Variants in DCAF1 observed in about 807,000 individuals in gnomAD.
DCAF1 encodes DDB1- and CUL4-associated factor 1.
Under a neutral mutation model 128.0 loss-of-function variants are expected in DCAF1, and 15 were observed. That is an observed-to-expected ratio of 0.12 (90% confidence interval 0.08 to 0.18). The LOEUF (loss-of-function observed/expected upper bound fraction) is 0.18, where lower values mean the gene tolerates loss of function less well. Ranked by LOEUF, DCAF1 falls within the 10% of genes least tolerant of loss-of-function variation. The pLI is 1.00. For missense variants in DCAF1, 988 were observed against 1,649.5 expected, an observed-to-expected ratio of 0.60 and a Z score of 6.95; for synonymous variants, 610 against 603.0, an observed-to-expected ratio of 1.01 and a Z score of -0.17.
At chr3:51,454,227 G>A (rs561504603) in intron 6 of DCAF1, among the ~76,000 whole-genome samples, 319 of 152,170 alleles carry the variant, frequency 2.1e-3, no homozygotes, top group African/African-American at 7.5e-3. Flanking sequence ...TTTTTGTAGA[G>A]CCAGGGTCTT....
chr3:51,463,784 AAACAAC>A (rs1229371293), intron 5 of DCAF1, among the ~76,000 whole-genome samples: 14 of 151,938 alleles, frequency 9.2e-5, no homozygotes, highest in African/African-American at 3.1e-4. Context: ...GTCTCCAAAA[AAACAAC>A]AACAACAACA....
At chr3:51,472,699 T>G (rs1298611675) in intron 3 of DCAF1, among the ~76,000 whole-genome samples, 1 of 149,898 alleles carries the variant, frequency 6.7e-6, no homozygotes, top group African/African-American at 2.5e-5. Flanking sequence ...GGAGTTTCAC[T>G]CGTTGCCCAG....
intron 3 of DCAF1, among the ~76,000 whole-genome samples, chr3:51,476,572 CAAAAAA>C (rs11359977): frequency 6.0e-4 from 30 of 49,656 alleles, no homozygotes; most frequent in Non-Finnish European, 2.9e-4. Context: ...AATTATATCT[CAAAAAA>C]AAAAAAAAAA....
At chr3:51,437,947 C>G (rs965961109) in intron 9 of DCAF1, 2 of 208,544 alleles carry the variant, frequency 9.6e-6, no homozygotes, top group African/African-American at 2.4e-5. Flanking sequence ...GAAACCCAAA[C>G]AAAAGTAATA....
At chr3:51,416,933 C>G in intron 17 of DCAF1, 62 bp from the exon 18 acceptor site, 1 of 1,552,490 alleles carries the variant, frequency 6.4e-7, no homozygotes, top group Non-Finnish European at 8.7e-7. Flanking sequence ...CTGCAACCAA[C>G]TGAAACACAG....
intron 24 of DCAF1, 22 bp downstream of exon 24, chr3:51,403,121 C>T (rs782490367): frequency 6.3e-7 from 1 of 1,590,612 alleles, no homozygotes; most frequent in East Asian, 2.2e-5. Context: ...AAGGCTCAGC[C>T]TGAACTCTGC....
intron 11 of DCAF1, among the ~76,000 whole-genome samples, 191 bp from the exon 12 acceptor site, chr3:51,429,661 T>C (rs986888367): frequency 9.2e-5 from 14 of 152,214 alleles, no homozygotes; most frequent in Admixed American, 2.6e-4. Context: ...TATCTATGTA[T>C]ATAGCATGCT....
At position 51,492,782 on chromosome 3, in the gene DCAF1, C is replaced by G. The variant is rs571989085; in HGVS notation, c.-9+3952G>C. ...GGCCGAGGCAGGCGGATCGCGAGGT[C>G]AGGAGACAGAGACCATCCTGGCTAA... is the stretch of plus-strand genomic sequence containing the variant. On this transcript the variant is annotated intron_variant, in intron 2 of 24. Transcript: ENST00000684031. 9.9e-5 allele frequency among the ~76,000 whole-genome samples: 15 copies of G among 151,554 alleles called. 1 individual carries two copies. The South Asian group carries it at 2.9e-3, about 30-fold the overall frequency.
intron 4 of DCAF1, among the ~76,000 whole-genome samples, chr3:51,468,181 T>C (rs1553647198): frequency 3.3e-5 from 5 of 152,064 alleles, no homozygotes; most frequent in Non-Finnish European, 2.9e-5. Context: ...TTTGTTGTTG[T>C]TGTGTTCTGA....
At position 51,412,110 on chromosome 3, in the gene DCAF1, A is replaced by T. The variant is rs868978977; in HGVS notation, c.4212+269T>A. 5.3e-4 allele frequency among the ~76,000 whole-genome samples: 59 copies of T among 111,654 alleles called. 1 individual carries two copies. Among genetic ancestry groups the T allele is most frequent in the African/African-American group, 2.0e-3 (49 of 24,510 alleles). 73.2% of individuals were successfully genotyped at this position (111,654 alleles called of 152,430 possible). A position where few individuals can be genotyped will look rare whatever the true frequency, so the allele number is the denominator to read the frequency against. On this transcript the variant is annotated intron_variant, in intron 23 of 24. Transcript: ENST00000684031. ...GGCGACAAGAGCAAAACTCCATTCTAAAAAAAAAAAAAAAAAAAAAAAAAA... is the reference window on the plus strand; with the variant it reads ...GGCGACAAGAGCAAAACTCCATTCTTAAAAAAAAAAAAAAAAAAAAAAAAA...
rs1708689339 is a variant in DCAF1 at position 51,499,951 on chromosome 3, GCACT to G, written c.-138_-135del. On this transcript the variant is annotated 5_prime_UTR_variant, in exon 1 of 25. Coordinates refer to ENST00000684031, the MANE Select transcript of DCAF1 (RefSeq NM_001387579.1). ...TCACACACACACAGCCTCAGGTCCC[GCACT>G]CACTCTCCACTCACACACACACACA... 1 of 121,130 alleles carries G rather than the reference GCACT, an allele frequency of 8.3e-6. No homozygotes were observed. The allele number at this position is 121,130 out of a possible 1,614,324, so 7.5% of individuals were successfully genotyped here. A position where few individuals can be genotyped will look rare whatever the true frequency, so the allele number is the denominator to read the frequency against.
chr3:51,441,894 C>T lies in DCAF1; in HGVS notation c.517G>A (p.Ala173Thr). The change falls in exon 8 of 25, where the codon GCA becomes ACA. Residue 173 changes from alanine to threonine, a missense_variant. Coordinates refer to ENST00000684031, the MANE Select transcript of DCAF1 (RefSeq NM_001387579.1). ...TCCCTCAGTCTTCGAAGCACTATTG[C>T]CACCTATCAACAGATAATTGGAGAA... ...NYRDENSQLV[A>T]IVLRRLRELQ... 1 of 1,599,378 alleles carries T rather than the reference C, an allele frequency of 6.3e-7. No individual in the cohort carries two copies.
At chr3:51,497,715 C>T (rs1429606549) in intron 1 of DCAF1, among the ~76,000 whole-genome samples, 4 of 152,020 alleles carry the variant, frequency 2.6e-5, no homozygotes, top group African/African-American at 9.7e-5. Context: ...GAGACACAGT[C>T]GACACAAATA....
At chr3:51,473,212 G>A (rs1553649019) in intron 3 of DCAF1, among the ~76,000 whole-genome samples, 1 of 148,828 alleles carries the variant, frequency 6.7e-6, no homozygotes, top group African/African-American at 2.5e-5. Context: ...GGAGGCGGAG[G>A]TTGTACTCCA....
chr3:51,428,018 G>A (rs1359379674), intron 12 of DCAF1, among the ~76,000 whole-genome samples: 1 of 152,068 alleles, frequency 6.6e-6, no homozygotes, highest in Non-Finnish European at 1.5e-5. Context: ...CAATTCTTGA[G>A]TCAAAAGCCC....
intron 5 of DCAF1, 91 bp downstream of exon 5, chr3:51,466,712 C>G (rs1470622034): frequency 3.0e-6 from 4 of 1,340,748 alleles, no homozygotes; most frequent in Admixed American, 4.0e-5. Flanking sequence ...TTGTCAAGGC[C>G]TTAGGAGAAG....
chr3:51,401,332 C>A (rs1053403993), intron 24 of DCAF1, among the ~76,000 whole-genome samples: 34 of 152,074 alleles, frequency 2.2e-4, no homozygotes, highest in African/African-American at 8.2e-4. Flanking sequence ...CAGTAAGGTT[C>A]AGAGCTACTG....
intron 3 of DCAF1, among the ~76,000 whole-genome samples, chr3:51,476,702 C>T (rs782119293): frequency 6.6e-6 from 1 of 151,502 alleles, no homozygotes; most frequent in Non-Finnish European, 1.5e-5. Flanking sequence ...ACGGTGAAAC[C>T]CTGTCTCTAC....
intron 23 of DCAF1, among the ~76,000 whole-genome samples, chr3:51,408,913 A>T (rs970178401): frequency 7.2e-5 from 11 of 152,206 alleles, no homozygotes; most frequent in Admixed American, 6.5e-4. Context: ...AGCCACAGTA[A>T]TAACTTAGCC....
Sources: allele counts gnomAD v4.1 joint callset (sites outside exome capture counted in the v4.1 genomes callset), GRCh38; gene constraint gnomAD v4.1.1; transcripts MANE v1.5; gene names NCBI Gene and HGNC (gene_info 2026-07-23, HGNC 2026-07-21).